The following ERC1 variants were observed in gnomAD, a reference collection of about 807,000 sequenced individuals.
ERC1 encodes the protein RAB6 interacting protein 2.
Under a neutral mutation model 132.0 loss-of-function variants are expected in ERC1, and 56 were observed. The observed-to-expected ratio is 0.42, with a 90% CI of 0.34 to 0.53. ERC1 has a LOEUF of 0.53. Among genes scored for constraint, ERC1 ranks in the 20% least tolerant of loss-of-function variants. The probability of loss-of-function intolerance (pLI) is 0.03; values close to 1 mark genes in which losing one functional copy is unlikely to be tolerated. For missense variants in ERC1, 1,202 were observed against 1,349.9 expected, an observed-to-expected ratio of 0.89 and a Z score of 1.72; for synonymous variants, 478 against 476.1, an observed-to-expected ratio of 1.00 and a Z score of -0.05.
At chr12:1,123,856 G>C (rs190125780) in intron 7 of ERC1, among the ~76,000 whole-genome samples, 151 of 152,314 alleles carry the variant, frequency 9.9e-4, no homozygotes, top group African/African-American at 3.5e-3. Context: ...TGAGCTGGGC[G>C]TGGTGGCACG....
At chr12:1,193,909 A>T (rs2154278834) in intron 12 of ERC1, among the ~76,000 whole-genome samples, 1 of 152,356 alleles carries the variant, frequency 6.6e-6, no homozygotes, top group South Asian at 2.1e-4. Context: ...TGTAACATAG[A>T]CAAGTTAATA....
chr12:1,220,761 A>C (rs1161241257), intron 12 of ERC1, among the ~76,000 whole-genome samples: 1 of 152,222 alleles, frequency 6.6e-6, no homozygotes, highest in Admixed American at 6.5e-5. Flanking sequence ...AATGTGAAAT[A>C]TTTGCTCTCT....
intron 12 of ERC1, among the ~76,000 whole-genome samples, chr12:1,221,316 C>T (rs1566292623): frequency 6.6e-6 from 1 of 152,034 alleles, no homozygotes; most frequent in African/African-American, 2.4e-5. Flanking sequence ...TAAAACAGTC[C>T]TCATCTCAGA....
At chr12:1,224,815 T>C (rs1391306756) in intron 12 of ERC1, among the ~76,000 whole-genome samples, 1 of 151,844 alleles carries the variant, frequency 6.6e-6, no homozygotes, top group Non-Finnish European at 1.5e-5. Flanking sequence ...ACCTCATCTC[T>C]ACAAAAAATA....
At chr12:1,233,136 ACTGCCTTGAT>A (rs2075168276) in intron 12 of ERC1, among the ~76,000 whole-genome samples, 1 of 152,184 alleles carries the variant, frequency 6.6e-6, no homozygotes, top group Non-Finnish European at 1.5e-5. Context: ...CCAGGCTGTC[ACTGCCTTGAT>A]GCACTAGTTA....
chr12:1,420,185 C>T (rs923508292), intron 17 of ERC1, among the ~76,000 whole-genome samples: 3 of 150,560 alleles, frequency 2.0e-5, no homozygotes, highest in Non-Finnish European at 4.4e-5. Context: ...TCAGCATTTC[C>T]TTTAACAAAG....
At chr12:1,483,562 T>C (rs2094132472) in intron 18 of ERC1, among the ~76,000 whole-genome samples, 1 of 152,034 alleles carries the variant, frequency 6.6e-6, no homozygotes, top group South Asian at 2.1e-4. Flanking sequence ...TTATGTTATA[T>C]ATTTTGGTAT....
At chr12:1,029,866 G>A (rs1350784342) in intron 2 of ERC1, among the ~76,000 whole-genome samples, 1 of 148,486 alleles carries the variant, frequency 6.7e-6, no homozygotes, top group East Asian at 2.0e-4. Context: ...TCCTGTCTCA[G>A]CCTCCTGAGT....
chr12:1,451,834 A>AT (rs1016326355), intron 18 of ERC1, among the ~76,000 whole-genome samples: 56 of 152,318 alleles, frequency 3.7e-4, no homozygotes, highest in African/African-American at 1.3e-3. Context: ...TGTGACGACT[A>AT]TATTTAGAGA....
In ERC1 at chr12:1,337,218, A is replaced by G. The variant is rs138929370; in HGVS notation, c.2781-34615A>G. On this transcript the variant is annotated intron_variant, in intron 15 of 18. Transcript: ENST00000360905. ...AGGTCTCTAAGAACTTGCTTCCTGAATCCGGGTGCTCCTGTGTCAGGTGCA... is the reference window on the plus strand; with the variant it reads ...AGGTCTCTAAGAACTTGCTTCCTGAGTCCGGGTGCTCCTGTGTCAGGTGCA... 5.3e-3 allele frequency among the ~76,000 whole-genome samples: 805 copies of G among 152,008 alleles called. 6 individuals carry two copies. Among genetic ancestry groups the G allele is most frequent in the African/African-American group, 0.018 (761 of 41,444 alleles).
At chr12:1,149,369 G>C (rs1457932972) in intron 8 of ERC1, among the ~76,000 whole-genome samples, 1 of 152,090 alleles carries the variant, frequency 6.6e-6, no homozygotes, top group Non-Finnish European at 1.5e-5. Context: ...CTGAAACTTA[G>C]TTTTAATACA....
Position 991,408 on chromosome 12 carries a change from C to T in ERC1, c.-157+86C>T, listed in dbSNP as rs1233054477. 4 of 153,606 alleles carry T rather than the reference C, an allele frequency of 2.6e-5. No individual in the cohort carries two copies. In the Admixed American group the frequency reaches 2.6e-4, roughly 10 times the overall value. The allele number at this position is 153,606 out of a possible 1,614,324, so 9.5% of individuals were successfully genotyped here. A position where few individuals can be genotyped will look rare whatever the true frequency, so the allele number is the denominator to read the frequency against. On this transcript the variant is annotated intron_variant, in intron 1 of 18. Transcript: ENST00000360905. Reference sequence around the variant, plus strand: ...CTGTCGCTAGTGCTGAGGCTTTCGCCTTTCCTACCCAGCTTCTTGCTCACG... The same window carrying T: ...CTGTCGCTAGTGCTGAGGCTTTCGCTTTTCCTACCCAGCTTCTTGCTCACG...
At chr12:1,229,496 TA>T (rs572139895) in intron 12 of ERC1, among the ~76,000 whole-genome samples, 3 of 151,406 alleles carry the variant, frequency 2.0e-5, no homozygotes, top group South Asian at 4.2e-4. Flanking sequence ...GAATCTCTTT[TA>T]AAAAAAAAGT....
chr12:1,036,263 A>ATT (rs34652414), intron 2 of ERC1, among the ~76,000 whole-genome samples: 8 of 145,748 alleles, frequency 5.5e-5, no homozygotes, highest in South Asian at 2.2e-4. Flanking sequence ...ATTCTTTGTC[A>ATT]TTTTTTTTTC....
chr12:1,271,979 A>G (rs1310473529), intron 14 of ERC1, among the ~76,000 whole-genome samples: 1 of 152,194 alleles, frequency 6.6e-6, no homozygotes, highest in African/African-American at 2.4e-5. Context: ...AGAAATTTTT[A>G]CACTGTGGCT....
chr12:1,180,206 T>C (rs1954247182), intron 8 of ERC1, among the ~76,000 whole-genome samples: 1 of 152,178 alleles, frequency 6.6e-6, no homozygotes, highest in African/African-American at 2.4e-5. Context: ...CATGGCCATC[T>C]CTATACTGGA....
chr12:1,255,111 A>G (rs540985528), intron 13 of ERC1, among the ~76,000 whole-genome samples: 3 of 151,372 alleles, frequency 2.0e-5, no homozygotes, highest in South Asian at 4.2e-4. Flanking sequence ...AACCCCCCCA[A>G]CAGGCCCCAG....
chr12:1,143,328 TCGTGTGTGTGTGTGTGTGTG>T (rs1177843521), intron 8 of ERC1, among the ~76,000 whole-genome samples: 2 of 113,904 alleles, frequency 1.8e-5, no homozygotes, highest in African/African-American at 5.8e-5. Flanking sequence ...GGCTTTTGAC[TCGTGTGTGTGTGTGTGTGTG>T]TGTGTGTGTG....
At position 1,154,768 on chromosome 12, in the gene ERC1, AAAG is replaced by A. The variant is rs1951207430; in HGVS notation, c.1737+12986_1737+12988del. Among the ~76,000 whole-genome samples, 3 of 152,210 alleles carry A rather than the reference AAAG, an allele frequency of 2.0e-5. No homozygotes were observed. In the South Asian group the frequency reaches 6.2e-4, roughly 32 times the overall value. On this transcript the variant is annotated intron_variant, in intron 8 of 18. Coordinates refer to ENST00000360905, the MANE Select transcript of ERC1 (RefSeq NM_178040.4). ...AAATAGCATGAATAGACATTTCTCA[AAAG>A]AAGATATACAAATGCCCAAAAATGT...
Sources: gnomAD v4.1 joint callset for allele counts (sites outside exome capture counted in the v4.1 genomes callset) on GRCh38, gnomAD v4.1.1 for gene constraint, MANE v1.5 for transcripts, NCBI Gene and HGNC (gene_info 2026-07-23, HGNC 2026-07-21) for gene names.